The following ING5 variants were observed in gnomAD, a reference collection of about 807,000 sequenced individuals.
ING5 encodes the protein inhibitor of growth protein 5.
A neutral mutation model predicts 37.4 loss-of-function variants in ING5; 17 were observed. The ratio of observed to expected loss-of-function variants is 0.45; its 90% CI spans 0.31 to 0.68. The LOEUF (loss-of-function observed/expected upper bound fraction) is 0.68, where lower values mean the gene tolerates loss of function less well. Ranked by LOEUF, ING5 falls within the 30% of genes least tolerant of loss-of-function variation. The pLI, the probability that ING5 is intolerant of heterozygous loss-of-function variation, is 0.05. For synonymous variants in ING5, 123 were observed against 116.6 expected, an observed-to-expected ratio of 1.06 and a Z score of -0.36; for missense variants, 233 against 311.9, an observed-to-expected ratio of 0.75 and a Z score of 1.91.
At chr2:241,690,051 G>C (rs2069526896) in exon 2 of ING5, 1 of 152,192 alleles carries the variant, frequency 6.6e-6, no homozygotes. Flanking sequence ...TCAGCAGGCT[G>C]ATGCAGAGGG....
chr2:241,724,510 C>T (rs1691528231), intron 7 of ING5: 2 of 174,040 alleles, frequency 1.1e-5, no homozygotes, highest in East Asian at 3.2e-4. Flanking sequence ...TGTTCAGGAG[C>T]CCCTTGTGCG....
At chr2:241,715,255 C>G (rs2070230593) in intron 5 of ING5, among the ~76,000 whole-genome samples, 1 of 151,854 alleles carries the variant, frequency 6.6e-6, no homozygotes, top group Admixed American at 6.6e-5. Context: ...AGTGTAGTGG[C>G]ATGATCCTGG....
exon 1 of ING5, chr2:241,687,533 T>TTG (rs1476175571): frequency 5.3e-6 from 2 of 373,928 alleles, no homozygotes; most frequent in African/African-American, 2.3e-5. Context: ...GTTTTTGTTG[T>TTG]TTTTGTTTGT....
chr2:241,708,213 G>GTT (rs982217889), intron 2 of ING5, among the ~76,000 whole-genome samples: 6 of 131,436 alleles, frequency 4.6e-5, no homozygotes, highest in African/African-American at 1.7e-4. Context: ...GTTTTCTTTT[G>GTT]TTTTTTTTTT....
At chr2:241,720,230 G>C in intron 5 of ING5, 2 of 1,231,680 alleles carry the variant, frequency 1.6e-6, no homozygotes, top group Non-Finnish European at 2.0e-6. Context: ...CTGCCCCTGG[G>C]CTCTGGAGTT....
chr2:241,709,733 A>G (rs1000957079), intron 3 of ING5, among the ~76,000 whole-genome samples: 8 of 151,570 alleles, frequency 5.3e-5, no homozygotes, highest in African/African-American at 1.9e-4. Context: ...TAGCCTCCCT[A>G]GTAGCTGTGA....
chr2:241,705,717 T>G (rs1310375237), intron 2 of ING5, among the ~76,000 whole-genome samples: 1 of 152,206 alleles, frequency 6.6e-6, no homozygotes, highest in Non-Finnish European at 1.5e-5. Flanking sequence ...TTAAACTCCC[T>G]GTTTCTAAAC....
chr2:241,727,870 T>C lies in ING5; in HGVS notation c.*2839T>C, dbSNP rs1247860900. On this transcript the variant is annotated 3_prime_UTR_variant, in exon 8 of 8. Coordinates refer to ENST00000313552, the MANE Select transcript of ING5 (RefSeq NM_032329.6). ...GGTCTCGCTGCTTTTTGGGGAAAGATGACTGGCTTCCCTGTGGGACGCTTT... is the reference window on the plus strand; with the variant it reads ...GGTCTCGCTGCTTTTTGGGGAAAGACGACTGGCTTCCCTGTGGGACGCTTT... 1.3e-5 allele frequency: 2 copies of C among 152,274 alleles called. No individual in the cohort carries two copies. The highest frequency in any genetic ancestry group is 4.8e-5 in the African/African-American group (2 of 41,456). 9.4% of individuals were successfully genotyped at this position (152,274 alleles called of 1,614,324 possible).
chr2:241,705,408 T>TTTTC lies in ING5; in HGVS notation c.109+687_109+688insCTTT, dbSNP rs1469810339. Among the ~76,000 whole-genome samples, 1,112 of 145,126 alleles carry TTTTC rather than the reference T, an allele frequency of 7.7e-3. 55 individuals are homozygous for TTTTC. The highest frequency in any genetic ancestry group is 0.071 in the East Asian group (336 of 4,746). ...TCTGTTTTTTTCTTTTTTTTTTTTT[T>TTTTC]TTTTTTTGAGACAGAGTCTCACTCT... On this transcript the variant is annotated intron_variant, in intron 2 of 7. Coordinates refer to ENST00000313552, the MANE Select transcript of ING5 (RefSeq NM_032329.6).
intron 5 of ING5, among the ~76,000 whole-genome samples, chr2:241,716,281 C>CTTTTTTTTTT (rs11332132): frequency 1.4e-5 from 1 of 73,662 alleles, no homozygotes; most frequent in Non-Finnish European, 2.4e-5. Context: ...ATTAGCCATG[C>CTTTTTTTTTT]TTTTTTTTTT....
At chr2:241,723,677 G>A in intron 7 of ING5, 1 of 1,307,808 alleles carries the variant, frequency 7.6e-7, no homozygotes, top group Non-Finnish European at 1.1e-6. Context: ...CTGAAGCCGG[G>A]GCATGGATCT....
intron 1 of ING5, among the ~76,000 whole-genome samples, chr2:241,704,154 G>C (rs1490548932): frequency 6.6e-6 from 1 of 152,196 alleles, no homozygotes; most frequent in Non-Finnish European, 1.5e-5. Context: ...AGCTTCCGAA[G>C]TGTGCACACA....
At chr2:241,709,918 A>G (rs1378946764) in intron 3 of ING5, among the ~76,000 whole-genome samples, 2 of 151,582 alleles carry the variant, frequency 1.3e-5, no homozygotes. Flanking sequence ...CCAGGTGGCC[A>G]TATTTTATTT....
At chr2:241,698,887 AC>A (rs1275841779), upstream of ING5, among the ~76,000 whole-genome samples, 1 of 151,648 alleles carries the variant, frequency 6.6e-6, no homozygotes, top group East Asian at 1.9e-4. Flanking sequence ...TACCACCACA[AC>A]CAGCTACTTT....
At chr2:241,712,099 A>G in intron 5 of ING5, 28 bp downstream of exon 5, 1 of 1,533,490 alleles carries the variant, frequency 6.5e-7, no homozygotes, top group East Asian at 2.3e-5. Context: ...CTTTTTCCCA[A>G]AAGAACGAAT....
chr2:241,711,390 T>C lies in ING5; in HGVS notation c.290T>C (p.Ile97Thr). ...ATCCTTTTGTAGGTGGATAAACACA[T>C]TCGAAGGCTTGATGCAGACCTGGCG... is the stretch of plus-strand genomic sequence containing the variant. ...MQTYEMVDKH[I>T]RRLDADLARF... Residue 97 changes from isoleucine (I) to threonine (T), a missense_variant, in exon 4 of 8, where the codon ATT (isoleucine) becomes ACT (threonine). Ile to Thr is a moderately conservative substitution (Grantham distance 89, BLOSUM62 -1). Around this residue, in one of 4 missense-constraint regions of ING5, gnomAD observed 19 missense variants for 45.8 expected, o/e 0.41. Transcript: ENST00000313552. The C allele has an allele frequency of 6.5e-7, 1 of 1,536,636 alleles. No individual in the cohort carries two copies. Among genetic ancestry groups the C allele is most frequent in the Non-Finnish European group, 8.7e-7 (1 of 1,145,880 alleles).
chr2:241,707,972 A>G (rs1418301347), intron 2 of ING5, among the ~76,000 whole-genome samples: 1 of 151,844 alleles, frequency 6.6e-6, no homozygotes, highest in Non-Finnish European at 1.5e-5. Context: ...GTCTCGGCTC[A>G]CTGCAACCTC....
Position 241,725,073 on chromosome 2 carries a change from C to T in ING5, c.*42C>T. ...GGATCCGAGGAGCAAGTTAATCTGTCCCTTCATTCGTGTCGCAATATTTCC... is the reference window on the plus strand; with the variant it reads ...GGATCCGAGGAGCAAGTTAATCTGTTCCTTCATTCGTGTCGCAATATTTCC... On this transcript the variant is annotated 3_prime_UTR_variant, in exon 8 of 8. Coordinates refer to ENST00000313552, the MANE Select transcript of ING5 (RefSeq NM_032329.6). The T allele has an allele frequency of 6.3e-7, 1 of 1,596,466 alleles. No individual in the cohort carries two copies. The highest frequency in any genetic ancestry group is 8.6e-7 in the Non-Finnish European group (1 of 1,163,884).
At chr2:241,714,067 G>A (rs182661491) in intron 5 of ING5, among the ~76,000 whole-genome samples, 9 of 151,970 alleles carry the variant, frequency 5.9e-5, no homozygotes, top group Middle Eastern at 6.9e-3. Flanking sequence ...GAACAAACAT[G>A]GTTTAATTAA....
Sources: gnomAD v4.1 joint callset for allele counts (sites outside exome capture counted in the v4.1 genomes callset) on GRCh38, gnomAD v4.1.1 for gene constraint, gnomAD v4.1.1 regional missense constraint, MANE v1.5 for transcripts, NCBI Gene and HGNC (gene_info 2026-07-23, HGNC 2026-07-21) for gene names.